The following ACER2 variants were observed in gnomAD, a reference collection of about 807,000 sequenced individuals.
ACER2 encodes the protein alkaline ceramidase 2, also known as alkCDase 2.
Under a neutral mutation model 34.7 loss-of-function variants are expected in ACER2, and 26 were observed. The ratio of observed to expected loss-of-function variants is 0.75; its 90% CI spans 0.55 to 1.04. The LOEUF (loss-of-function observed/expected upper bound fraction) is 1.04, where lower values mean the gene tolerates loss of function less well. Ranked by LOEUF, ACER2 falls within the 50% of genes least tolerant of loss-of-function variation. ACER2 has a pLI of 0.00. For synonymous variants in ACER2, 138 were observed against 132.1 expected, an observed-to-expected ratio of 1.04 and a Z score of -0.31; for missense variants, 352 against 340.8, an observed-to-expected ratio of 1.03 and a Z score of -0.26.
At chr9:19,441,432 A>T (rs1831154966) in intron 4 of ACER2, among the ~76,000 whole-genome samples, 1 of 152,148 alleles carries the variant, frequency 6.6e-6, no homozygotes, top group South Asian at 2.1e-4. Context: ...TTCCCCTGTG[A>T]GCTGATCACT....
chr9:19,440,437 G>C (rs1012908263), intron 4 of ACER2, among the ~76,000 whole-genome samples: 8 of 152,132 alleles, frequency 5.3e-5, no homozygotes, highest in African/African-American at 1.4e-4. Context: ...AAGTCAGTGG[G>C]GGTAGAGCCC....
chr9:19,409,558 C>G (rs948472648), intron 1 of ACER2, among the ~76,000 whole-genome samples: 1 of 152,126 alleles, frequency 6.6e-6, no homozygotes, highest in Non-Finnish European at 1.5e-5. Flanking sequence ...CCCCTGGGAT[C>G]TCTGTGGCGT....
At chr9:19,440,415 T>C (rs551668798) in intron 4 of ACER2, among the ~76,000 whole-genome samples, 1 of 152,298 alleles carries the variant, frequency 6.6e-6, no homozygotes, top group East Asian at 1.9e-4. Flanking sequence ...TGGGCCCTTT[T>C]GGAAGGTGTT....
chr9:19,439,871 G>A (rs1265035103), intron 4 of ACER2, among the ~76,000 whole-genome samples: 1 of 152,168 alleles, frequency 6.6e-6, no homozygotes, highest in Non-Finnish European at 1.5e-5. Context: ...GGAGGCTGAG[G>A]CAGGAGAATC....
intron 1 of ACER2, among the ~76,000 whole-genome samples, chr9:19,411,849 A>G (rs1830096336): frequency 6.6e-6 from 1 of 152,226 alleles, no homozygotes; most frequent in African/African-American, 2.4e-5. Flanking sequence ...ACTACTGTCT[A>G]CCATTACTTA....
chr9:19,433,681 G>C (rs772541582), intron 3 of ACER2, among the ~76,000 whole-genome samples: 1 of 152,264 alleles, frequency 6.6e-6, no homozygotes, highest in East Asian at 1.9e-4. Flanking sequence ...ACACCTCCCA[G>C]ATGGGGTGGT....
intron 1 of ACER2, among the ~76,000 whole-genome samples, chr9:19,422,052 G>A (rs930201097): frequency 6.6e-6 from 1 of 151,894 alleles, no homozygotes; most frequent in African/African-American, 2.4e-5. Flanking sequence ...GGGAGGCTGA[G>A]GCAGGAGGAT....
intron 1 of ACER2, among the ~76,000 whole-genome samples, chr9:19,423,238 T>C (rs574742064): frequency 1.3e-5 from 2 of 152,260 alleles, no homozygotes; most frequent in Admixed American, 1.3e-4. Flanking sequence ...GAATTACTGG[T>C]TAATTCTTAT....
intron 1 of ACER2, among the ~76,000 whole-genome samples, chr9:19,413,416 C>T (rs10116717): frequency 0.14 from 20,706 of 151,916 alleles, 1,517 homozygotes; most frequent in South Asian, 0.25. Flanking sequence ...CTGGCCAACA[C>T]GGCGAAACCC....
intron 3 of ACER2, among the ~76,000 whole-genome samples, chr9:19,431,741 A>G (rs1290679199): frequency 6.6e-6 from 1 of 152,242 alleles, no homozygotes; most frequent in Non-Finnish European, 1.5e-5. Context: ...GTTCAGAGCT[A>G]TAATTCCTGT....
At chr9:19,443,742 C>G (rs1001863046) in intron 4 of ACER2, among the ~76,000 whole-genome samples, 1 of 151,972 alleles carries the variant, frequency 6.6e-6, no homozygotes, top group South Asian at 2.1e-4. Context: ...CTGCAACCTC[C>G]ACAATCTGGG....
intron 3 of ACER2, among the ~76,000 whole-genome samples, chr9:19,430,861 G>A (rs544493832): frequency 3.5e-4 from 53 of 152,204 alleles, no homozygotes; most frequent in African/African-American, 1.2e-3. Flanking sequence ...CGGAGGCTGA[G>A]GCAGGAGAAT....
At chr9:19,414,132 T>C (rs549244558) in intron 1 of ACER2, among the ~76,000 whole-genome samples, 1 of 152,294 alleles carries the variant, frequency 6.6e-6, no homozygotes, top group East Asian at 1.9e-4. Flanking sequence ...GCCTGAGACT[T>C]TTCTGATTTT....
intron 1 of ACER2, among the ~76,000 whole-genome samples, chr9:19,423,097 T>A (rs1830456747): frequency 6.6e-6 from 1 of 151,436 alleles, no homozygotes; most frequent in East Asian, 1.9e-4. Context: ...CCCAGCTACT[T>A]GGGAGGCTGT....
chr9:19,438,025 C>G (rs951719393), intron 4 of ACER2, among the ~76,000 whole-genome samples: 1 of 152,198 alleles, frequency 6.6e-6, no homozygotes, highest in African/African-American at 2.4e-5. Context: ...CTGTATCTTG[C>G]TAATGACTGG....
At chr9:19,433,999 G>C (rs901938001) in intron 3 of ACER2, among the ~76,000 whole-genome samples, 12 of 146,280 alleles carry the variant, frequency 8.2e-5, no homozygotes, top group Non-Finnish European at 1.3e-4. Flanking sequence ...GGGCGGAGAC[G>C]CTCCTCACTT....
chr9:19,431,919 G>A (rs1830766665), intron 3 of ACER2, among the ~76,000 whole-genome samples: 1 of 152,148 alleles, frequency 6.6e-6, no homozygotes, highest in South Asian at 2.1e-4. Context: ...CCTGTTCCAG[G>A]GGCTCTTGGC....
rs199630040 is a variant in ACER2 at position 19,435,011 on chromosome 9, C to G, written c.430C>G (p.Pro144Ala). The G allele has an allele frequency of 1.5e-5, 25 of 1,614,046 alleles. No individual in the cohort carries two copies. The highest frequency in any genetic ancestry group is 1.9e-5 in the Non-Finnish European group (23 of 1,180,036). The change falls in exon 4 of 6, where the codon CCT (proline) becomes GCT (alanine). Residue 144 changes from proline to alanine, a missense_variant. Pro to Ala is a conservative substitution (Grantham distance 27). Coordinates refer to ENST00000340967, the MANE Select transcript of ACER2 (RefSeq NM_001010887.3). ...AVTTCLAFVK[P>A]AINNISLMTL... ...TACGACGTGCCTGGCATTTGTCAAGCCTGCCATCAACAACATCTCTCTGAT... is the reference window on the plus strand; with the variant it reads ...TACGACGTGCCTGGCATTTGTCAAGGCTGCCATCAACAACATCTCTCTGAT...
intron 3 of ACER2, among the ~76,000 whole-genome samples, chr9:19,426,230 A>ATTT (rs1830555343): frequency 8.4e-5 from 8 of 94,862 alleles, no homozygotes; most frequent in African/African-American, 3.7e-4. Flanking sequence ...TTTTTTTTTA[A>ATTT]AAAAAAAAAA....
Sources: allele counts gnomAD v4.1 joint callset (sites outside exome capture counted in the v4.1 genomes callset), GRCh38; gene constraint gnomAD v4.1.1; transcripts MANE v1.5; gene names NCBI Gene and HGNC (gene_info 2026-07-23, HGNC 2026-07-21).